The following SLC25A33 variants were observed in gnomAD, a reference collection of about 807,000 sequenced individuals.
SLC25A33 encodes the protein solute carrier family 25 member 33.
A neutral mutation model predicts 35.5 loss-of-function variants in SLC25A33; 15 were observed. The ratio of observed to expected loss-of-function variants is 0.42; its 90% CI spans 0.28 to 0.65. SLC25A33 has a LOEUF of 0.65. Ranked by LOEUF, SLC25A33 falls within the 30% of genes least tolerant of loss-of-function variation. The pLI is 0.20. For missense variants in SLC25A33, 257 were observed against 398.5 expected (o/e 0.64, Z 3.02); for synonymous variants, 136 against 148.7 (o/e 0.91, Z 0.62).
At chr1:9,579,830 A>T in intron 5 of SLC25A33, 124 bp from the exon 6 acceptor site, 1 of 1,142,014 alleles carries the variant, frequency 8.8e-7, no homozygotes, top group Non-Finnish European at 1.2e-6. Flanking sequence ...TATGAGAGTT[A>T]GGAGCCAGGA....
chr1:9,579,762 G>A (rs999445793), intron 5 of SLC25A33, among the ~76,000 whole-genome samples, 192 bp from the exon 6 acceptor site: 1 of 152,182 alleles, frequency 6.6e-6, no homozygotes, highest in East Asian at 1.9e-4. Context: ...GGAGATCAAG[G>A]GACTGTCAGA....
At chr1:9,559,729 C>A (rs1375117140) in intron 2 of SLC25A33, among the ~76,000 whole-genome samples, 1 of 152,158 alleles carries the variant, frequency 6.6e-6, no homozygotes, top group Non-Finnish European at 1.5e-5. Flanking sequence ...GGCTCCTTTT[C>A]AGGCTGCTAC....
At chr1:9,543,380 G>A (rs1027428330) in intron 1 of SLC25A33, among the ~76,000 whole-genome samples, 17 of 152,136 alleles carry the variant, frequency 1.1e-4, no homozygotes, top group African/African-American at 4.1e-4. Context: ...CTGCCCTCAG[G>A]TGATCCGCCC....
intron 6 of SLC25A33, among the ~76,000 whole-genome samples, chr1:9,580,864 AAAATAATAATAAT>A (rs1643735443): frequency 7.7e-6 from 1 of 129,376 alleles, no homozygotes; most frequent in African/African-American, 3.1e-5. Context: ...CAAAAAAAAA[AAAATAATAATAAT>A]AATAATAATA....
Position 9,570,305 on chromosome 1 carries a change from G to T in SLC25A33, c.362G>T (p.Gly121Val). ...TCCAAAGCCAAAGAGCAATTTAATG[G>T]CATTTTCGTGCCTAACAGCAATATT... ...CYSKAKEQFN[G>V]IFVPNSNIVH... Residue 121 changes from glycine (G) to valine (V), a missense_variant, in exon 4 of 7, where the codon GGC becomes GTC. Physicochemically the swap from Gly to Val is moderately radical, Grantham distance 109. Transcript: ENST00000302692. 6.2e-7 allele frequency: 1 copy of T among 1,613,994 alleles called. No homozygotes were observed. Among genetic ancestry groups the T allele is most frequent in the Non-Finnish European group, 8.5e-7 (1 of 1,180,002 alleles).
At chr1:9,544,995 T>A (rs1195434912) in intron 1 of SLC25A33, among the ~76,000 whole-genome samples, 1 of 152,180 alleles carries the variant, frequency 6.6e-6, no homozygotes. Flanking sequence ...CCAGTATATA[T>A]TATAGTAGTA....
intron 1 of SLC25A33, among the ~76,000 whole-genome samples, chr1:9,546,072 G>A (rs981446179): frequency 2.6e-5 from 4 of 151,586 alleles, no homozygotes; most frequent in African/African-American, 4.9e-5. Context: ...AATATCCCTC[G>A]TGACTGCTTT....
chr1:9,580,866 AAT>A (rs1491051863), intron 6 of SLC25A33, among the ~76,000 whole-genome samples: 3 of 101,954 alleles, frequency 2.9e-5, no homozygotes, highest in African/African-American at 4.3e-5. Context: ...AAAAAAAAAA[AAT>A]AATAATAATA....
At chr1:9,556,257 G>A (rs546052536) in intron 2 of SLC25A33, 2 of 984,364 alleles carry the variant, frequency 2.0e-6, no homozygotes, top group South Asian at 9.4e-5. Flanking sequence ...ACTGAAGACA[G>A]GTAATGTTAC....
rs1643789025 is a variant in SLC25A33 at position 9,585,151 on chromosome 1, T to G, written c.*2650T>G. The G allele has an allele frequency of 6.6e-6, 1 of 152,248 alleles. No homozygotes were observed. Among genetic ancestry groups the G allele is most frequent in the South Asian group, 2.1e-4 (1 of 4,832 alleles). 9.4% of individuals were successfully genotyped at this position (152,248 alleles called of 1,614,324 possible). A position where few individuals can be genotyped will look rare whatever the true frequency, so the allele number is the denominator to read the frequency against. On this transcript the variant is annotated 3_prime_UTR_variant, in exon 7 of 7. Coordinates refer to ENST00000302692, the MANE Select transcript of SLC25A33 (RefSeq NM_032315.3). The stretch of plus-strand genomic sequence containing the variant: ...TGCTTTGTTTTCACTCCTTCTTGAA[T>G]GAATAAATTTGATAGTAACCAATTA...
Position 9,584,728 on chromosome 1 carries a change from T to A in SLC25A33, c.*2227T>A, listed in dbSNP as rs1438980879. ...CCGCCCCTTCCTTTGTTGTTATTGT[T>A]GTTTTGAGACAAGGTATCACTCGAT... is the stretch of plus-strand genomic sequence containing the variant. On this transcript the variant is annotated 3_prime_UTR_variant, in exon 7 of 7. Coordinates refer to ENST00000302692, the MANE Select transcript of SLC25A33 (RefSeq NM_032315.3). 1 of 152,186 alleles carries A rather than the reference T, an allele frequency of 6.6e-6. No individual in the cohort carries two copies. Among genetic ancestry groups the A allele is most frequent in the Non-Finnish European group, 1.5e-5 (1 of 68,052 alleles). The allele number at this position is 152,186 out of a possible 1,614,324, so 9.4% of individuals were successfully genotyped here. A position where few individuals can be genotyped will look rare whatever the true frequency, so the allele number is the denominator to read the frequency against.
intron 1 of SLC25A33, among the ~76,000 whole-genome samples, chr1:9,548,498 C>T (rs1643213258): frequency 6.6e-6 from 1 of 152,206 alleles, no homozygotes; most frequent in Non-Finnish European, 1.5e-5. Context: ...ATGAGAATCA[C>T]TTGAACCTGG....
intron 2 of SLC25A33, among the ~76,000 whole-genome samples, 172 bp from the exon 3 acceptor site, chr1:9,567,112 A>C (rs1031320058): frequency 6.6e-5 from 10 of 152,238 alleles, no homozygotes; most frequent in African/African-American, 2.2e-4. Context: ...TAATGATAGC[A>C]GTATTCTACA....
intron 5 of SLC25A33, chr1:9,576,622 C>A: frequency 1.7e-6 from 1 of 591,448 alleles, no homozygotes; most frequent in South Asian, 1.4e-5. Context: ...GGCTACCGTT[C>A]GAACTGTTGG....
chr1:9,552,105 G>C (rs953148910), intron 1 of SLC25A33, among the ~76,000 whole-genome samples: 2 of 152,196 alleles, frequency 1.3e-5, no homozygotes, highest in Non-Finnish European at 2.9e-5. Flanking sequence ...ATACTCAAAT[G>C]ATTGGCTTAG....
At chr1:9,571,635 T>C (rs932190257) in intron 4 of SLC25A33, among the ~76,000 whole-genome samples, 1 of 151,088 alleles carries the variant, frequency 6.6e-6, no homozygotes, top group South Asian at 2.1e-4. Flanking sequence ...TTTTTTTTTT[T>C]AATTGGTATT....
At chr1:9,566,952 C>T (rs769905992) in intron 2 of SLC25A33, among the ~76,000 whole-genome samples, 1 of 151,314 alleles carries the variant, frequency 6.6e-6, no homozygotes, top group African/African-American at 2.4e-5. Flanking sequence ...TGCTAGAACC[C>T]AGGAGGCAGA....
chr1:9,577,656 G>A (rs746728905), intron 5 of SLC25A33, among the ~76,000 whole-genome samples: 2 of 152,118 alleles, frequency 1.3e-5, no homozygotes, highest in Non-Finnish European at 2.9e-5. Flanking sequence ...GGAGTTTGGA[G>A]TTGGGCTTTG....
At chr1:9,547,108 T>A (rs1442506379) in intron 1 of SLC25A33, among the ~76,000 whole-genome samples, 1 of 152,068 alleles carries the variant, frequency 6.6e-6, no homozygotes, top group African/African-American at 2.4e-5. Context: ...CTTCAGTGAG[T>A]CAGGCCAAAA....
Sources: allele counts gnomAD v4.1 joint callset (sites outside exome capture counted in the v4.1 genomes callset), GRCh38; gene constraint gnomAD v4.1.1; transcripts MANE v1.5; gene names NCBI Gene and HGNC (gene_info 2026-07-23, HGNC 2026-07-21).